ANKRD44: variants seen among roughly 807,000 people sequenced by gnomAD.
ANKRD44 encodes serine/threonine-protein phosphatase 6 regulatory ankyrin repeat subunit B.
A neutral mutation model predicts 116.0 loss-of-function variants in ANKRD44; 35 were observed. That is an observed-to-expected ratio of 0.30 (90% CI 0.23 to 0.40). ANKRD44 has a LOEUF of 0.40. Among genes scored for constraint, ANKRD44 ranks in the 10% least tolerant of loss-of-function variants. The pLI, the probability that ANKRD44 is intolerant of heterozygous loss-of-function variation, is 1.00. For synonymous variants in ANKRD44, 435 were observed against 461.8 expected (o/e 0.94, Z 0.74); for missense variants, 1,014 against 1,242.6 (o/e 0.82, Z 2.77).
chr2:197,139,982 C>A (rs987008716), intron 3 of ANKRD44, among the ~76,000 whole-genome samples: 3 of 151,200 alleles, frequency 2.0e-5, no homozygotes, highest in African/African-American at 7.3e-5. Context: ...CCAGTTCAAG[C>A]GATTCTCCCG....
chr2:197,026,462 T>C (rs191090791), intron 16 of ANKRD44, among the ~76,000 whole-genome samples: 2 of 152,258 alleles, frequency 1.3e-5, no homozygotes, highest in East Asian at 3.9e-4. Context: ...GTGAATATCT[T>C]GGAGAAGAGC....
At chr2:197,019,878 C>G (rs2076464012) in intron 17 of ANKRD44, among the ~76,000 whole-genome samples, 1 of 151,578 alleles carries the variant, frequency 6.6e-6, no homozygotes, top group South Asian at 2.1e-4. Flanking sequence ...CTCACTGCAG[C>G]CTCCACCTCC....
intron 3 of ANKRD44, among the ~76,000 whole-genome samples, chr2:197,144,921 T>A (rs1219896179): frequency 1.3e-5 from 2 of 152,328 alleles, no homozygotes; most frequent in Admixed American, 1.3e-4. Flanking sequence ...AAAGTTGGCA[T>A]ATAAGACAAA....
intron 1 of ANKRD44, among the ~76,000 whole-genome samples, chr2:197,197,809 C>CAAAAAAAAAAAA (rs199994103): frequency 2.5e-4 from 29 of 114,150 alleles, no homozygotes; most frequent in Admixed American, 2.8e-4. Context: ...AATCCTGTCT[C>CAAAAAAAAAAAA]AAAAAAAAAA....
chr2:197,042,251 T>C (rs2076923650), intron 16 of ANKRD44, among the ~76,000 whole-genome samples: 1 of 152,172 alleles, frequency 6.6e-6, no homozygotes, highest in East Asian at 1.9e-4. Context: ...GGGTTCCTGG[T>C]AGCCAGCTTG....
Position 196,987,192 on chromosome 2 carries a change from G to T in ANKRD44, c.*2399C>A. 2 of 985,280 alleles carry T rather than the reference G, an allele frequency of 2.0e-6. No individual in the cohort carries two copies. The highest frequency in any genetic ancestry group is 9.4e-5 in the South Asian group (2 of 21,292). 61.0% of individuals were successfully genotyped at this position (985,280 alleles called of 1,614,324 possible). A position where few individuals can be genotyped will look rare whatever the true frequency, so the allele number is the denominator to read the frequency against. On this transcript the variant is annotated 3_prime_UTR_variant, in exon 28 of 28. Transcript: ENST00000282272. Reference sequence around the variant, plus strand: ...ATACTGACCTATGGTTTATAGTTTCGTAAGACGAAAGCATTTTAGCACTGC... The same window carrying T: ...ATACTGACCTATGGTTTATAGTTTCTTAAGACGAAAGCATTTTAGCACTGC...
At position 197,093,140 on chromosome 2, in the gene ANKRD44, G is replaced by A. The variant is rs116290324; in HGVS notation, c.1101-3108C>T. 2.5e-3 allele frequency among the ~76,000 whole-genome samples: 372 copies of A among 150,208 alleles called. 1 individual carries two copies. Among genetic ancestry groups the A allele is most frequent in the African/African-American group, 8.2e-3 (337 of 40,912 alleles). ...CACACACACATATGTTCATATACAC[G>A]CATAAATAAAAATATATATACACAT... On this transcript the variant is annotated intron_variant, in intron 10 of 27. Transcript: ENST00000282272.
intron 16 of ANKRD44, among the ~76,000 whole-genome samples, chr2:197,034,054 G>GAGAGAGAGAGAGAC (rs2076760633): frequency 6.7e-6 from 1 of 148,930 alleles, no homozygotes. Context: ...GAGGGCTAGA[G>GAGAGAGAGAGAGAC]AGAGAGAGAG....
At chr2:197,224,732 A>G (rs1574309565) in intron 1 of ANKRD44, among the ~76,000 whole-genome samples, 1 of 152,106 alleles carries the variant, frequency 6.6e-6, no homozygotes, top group Admixed American at 6.6e-5. Context: ...CAAATGACTC[A>G]ATTTTCTTTC....
chr2:197,013,849 T>G, intron 17 of ANKRD44, 137 bp from the exon 18 acceptor site: 1 of 811,112 alleles, frequency 1.2e-6, no homozygotes, highest in East Asian at 2.5e-5. Flanking sequence ...ACTTGGAATA[T>G]TTATTAAAAC....
intron 1 of ANKRD44, among the ~76,000 whole-genome samples, chr2:197,223,864 T>C (rs934017668): frequency 6.6e-6 from 1 of 152,216 alleles, no homozygotes; most frequent in Admixed American, 6.5e-5. Context: ...CTTTCACCTA[T>C]CACTTACATA....
intron 2 of ANKRD44, among the ~76,000 whole-genome samples, chr2:197,179,070 CTTA>C (rs2080440016): frequency 7.7e-5 from 1 of 12,988 alleles, no homozygotes; most frequent in South Asian, 4.7e-3. Flanking sequence ...GACCCTGACT[CTTA>C]AAAAAAAAAT....
intron 16 of ANKRD44, among the ~76,000 whole-genome samples, chr2:197,068,388 A>T (rs1162096263): frequency 8.2e-5 from 3 of 36,482 alleles, no homozygotes; most frequent in African/African-American, 1.2e-4. Flanking sequence ...AGAAAAAAAT[A>T]AAAAAAAAAT....
intron 19 of ANKRD44, among the ~76,000 whole-genome samples, 160 bp downstream of exon 19, chr2:197,008,784 G>A (rs188651949): frequency 2.0e-5 from 3 of 152,134 alleles, no homozygotes; most frequent in East Asian, 3.9e-4. Context: ...TTGGATATAC[G>A]CACTGTGACT....
chr2:197,234,908 A>G (rs1019136328), intron 1 of ANKRD44, among the ~76,000 whole-genome samples: 1 of 152,184 alleles, frequency 6.6e-6, no homozygotes, highest in Admixed American at 6.5e-5. Context: ...GGCGAACTCA[A>G]TGGAGCCTTT....
chr2:197,283,259 CAA>C (rs2083316290), intron 1 of ANKRD44, among the ~76,000 whole-genome samples: 3 of 152,150 alleles, frequency 2.0e-5, no homozygotes, highest in Non-Finnish European at 4.4e-5. Flanking sequence ...TTTATTATAG[CAA>C]AACCTATTAA....
At chr2:197,229,572 C>T (rs1253102750) in intron 1 of ANKRD44, among the ~76,000 whole-genome samples, 1 of 152,118 alleles carries the variant, frequency 6.6e-6, no homozygotes, top group African/African-American at 2.4e-5. Flanking sequence ...TATATGAAAA[C>T]ATAGTGTTTG....
chr2:197,194,933 C>A (rs908247108), intron 1 of ANKRD44, among the ~76,000 whole-genome samples: 4 of 152,138 alleles, frequency 2.6e-5, no homozygotes, highest in Admixed American at 1.3e-4. Context: ...GAGAGTAAAT[C>A]TTTCATGTTG....
chr2:197,260,254 C>A (rs187384005), intron 1 of ANKRD44, among the ~76,000 whole-genome samples: 2,446 of 152,150 alleles, frequency 0.016, 18 homozygotes, highest in Non-Finnish European at 0.02. Context: ...CCACAACAGT[C>A]CCCGGTGTGT....
Sources: gnomAD v4.1 joint callset for allele counts (sites outside exome capture counted in the v4.1 genomes callset) on GRCh38, gnomAD v4.1.1 for gene constraint, MANE v1.5 for transcripts, NCBI Gene and HGNC (gene_info 2026-07-23, HGNC 2026-07-21) for gene names.